Variants in PAK4 observed in about 807,000 individuals in gnomAD.
The protein encoded by PAK4 is serine/threonine-protein kinase PAK 4.
In PAK4, 49 loss-of-function variants were observed where a neutral mutation model predicts 53.5. The observed-to-expected ratio is 0.92, with a 90% CI of 0.73 to 1.16. The LOEUF (loss-of-function observed/expected upper bound fraction) is 1.16, where lower values mean the gene tolerates loss of function less well. PAK4 is among the 50% of genes most tolerant of loss of function. The probability of loss-of-function intolerance (pLI) is 0.00; values close to 1 mark genes in which losing one functional copy is unlikely to be tolerated. For synonymous variants in PAK4, 376 were observed against 375.6 expected, an observed-to-expected ratio of 1.00 and a Z score of -0.01; for missense variants, 824 against 850.7, an observed-to-expected ratio of 0.97 and a Z score of 0.39.
intron 8 of PAK4, 42 bp downstream of exon 9, chr19:39,177,851 G>T (rs371449795): frequency 6.3e-7 from 1 of 1,580,278 alleles, no homozygotes; most frequent in Non-Finnish European, 8.6e-7. Context: ...CCAGCTGGCG[G>T]GTGGCAGGGC....
At chr19:39,130,224 G>GCA (rs1299191556) in intron 1 of PAK4, among the ~76,000 whole-genome samples, 2 of 107,264 alleles carry the variant, frequency 1.9e-5, no homozygotes, top group Non-Finnish European at 4.0e-5. Context: ...GAGGGATCAG[G>GCA]GTGGGACTGG....
chr19:39,154,065 T>G (rs972335805), intron 1 of PAK4, among the ~76,000 whole-genome samples: 4 of 152,214 alleles, frequency 2.6e-5, no homozygotes, highest in African/African-American at 4.8e-5. Flanking sequence ...CACATGTAGC[T>G]GTAGTCATTC....
chr19:39,145,676 C>T (rs1020601617), intron 1 of PAK4, among the ~76,000 whole-genome samples: 1 of 152,192 alleles, frequency 6.6e-6, no homozygotes, highest in Non-Finnish European at 1.5e-5. Context: ...TGTAATGGGG[C>T]GCTGGTGCCG....
chr19:39,134,720 C>T (rs973495491), intron 1 of PAK4, among the ~76,000 whole-genome samples: 3 of 149,904 alleles, frequency 2.0e-5, no homozygotes, highest in Non-Finnish European at 2.9e-5. Context: ...CTGCCTCAGC[C>T]TCCCGAGTAA....
intron 1 of PAK4, among the ~76,000 whole-genome samples, chr19:39,135,789 C>CCCCCA (rs1405565862): frequency 1.3e-5 from 2 of 151,694 alleles, no homozygotes; most frequent in South Asian, 4.2e-4. Context: ...GCTCCCGGCC[C>CCCCCA]CCATCTTCCC....
chr19:39,140,748 C>T (rs532373985), intron 1 of PAK4, among the ~76,000 whole-genome samples: 1 of 152,186 alleles, frequency 6.6e-6, no homozygotes, highest in Non-Finnish European at 1.5e-5. Flanking sequence ...CCAGCTCCAC[C>T]TGCAGCCTCT....
chr19:39,166,427 G>T (rs2074377422), intron 1 of PAK4, among the ~76,000 whole-genome samples: 1 of 152,232 alleles, frequency 6.6e-6, no homozygotes, highest in Non-Finnish European at 1.5e-5. Flanking sequence ...CTGGGCGACA[G>T]AGCAAGACTC....
intron 1 of PAK4, among the ~76,000 whole-genome samples, chr19:39,143,183 A>C (rs1376675409): frequency 6.6e-6 from 1 of 151,594 alleles, no homozygotes; most frequent in African/African-American, 2.4e-5. Flanking sequence ...ACTCCAGGAG[A>C]GCAGAGACTC....
chr19:39,143,535 G>T (rs1568503047), intron 1 of PAK4, among the ~76,000 whole-genome samples: 1 of 125,036 alleles, frequency 8.0e-6, no homozygotes, highest in Non-Finnish European at 1.6e-5. Flanking sequence ...GGAGGTTGCA[G>T]TGAGCCAAGA....
intron 1 of PAK4, among the ~76,000 whole-genome samples, chr19:39,143,411 T>C (rs1221759205): frequency 1.4e-5 from 2 of 146,758 alleles, no homozygotes; most frequent in African/African-American, 5.1e-5. Context: ...GCCAACACAG[T>C]GAAACCCCGT....
rs751746391 is a variant in PAK4, at chr19:39,175,421, C to G, written c.1342C>G (p.Leu448Val). Residue 448 changes from leucine (L) to valine (V), a missense_variant, in exon 6 of 9, where the codon CTG (leucine) becomes GTG (valine). Physicochemically the swap from Leu to Val is conservative, Grantham distance 32. Around this residue, in one of 2 missense-constraint regions of PAK4, gnomAD observed 346 missense variants for 415.0 expected, o/e 0.83. Coordinates refer to ENST00000358301, the Ensembl canonical transcript of PAK4. The surrounding 1 kb of genome is among the most constrained non-coding windows in gnomAD (Gnocchi z 4.7). ...GGACATCAAGAGCGACTCGATCCTG[C>G]TGACCCATGATGGCAGGGTGAGGGG... 1 of 1,611,658 alleles carries G rather than the reference C, an allele frequency of 6.2e-7. No homozygotes were observed. Among genetic ancestry groups the G allele is most frequent in the Non-Finnish European group, 8.5e-7 (1 of 1,179,336 alleles).
intron 1 of PAK4, among the ~76,000 whole-genome samples, chr19:39,141,742 C>T (rs965566368): frequency 6.6e-6 from 1 of 151,170 alleles, no homozygotes; most frequent in African/African-American, 2.4e-5. Flanking sequence ...TCAAGCACTT[C>T]TCCCTGCCTC....
intron 1 of PAK4, among the ~76,000 whole-genome samples, chr19:39,132,996 A>G (rs916374232): frequency 6.6e-6 from 1 of 152,212 alleles, no homozygotes; most frequent in Non-Finnish European, 1.5e-5. Flanking sequence ...AGAAGGGGAA[A>G]CTGAGGCACA....
chr19:39,177,478 G>A (rs979416805), intron 7 of PAK4, among the ~76,000 whole-genome samples, 197 bp from the exon 9 acceptor site: 3 of 152,144 alleles, frequency 2.0e-5, no homozygotes, highest in Non-Finnish European at 2.9e-5. Context: ...TGGGTGCTGG[G>A]GGGGCAGCTC....
chr19:39,163,090 C>A (rs1445863628), intron 1 of PAK4, among the ~76,000 whole-genome samples: 1 of 152,094 alleles, frequency 6.6e-6, no homozygotes, highest in Non-Finnish European at 1.5e-5. Context: ...AAACTCCCAG[C>A]GCCTCCACCA....
chr19:39,132,588 G>A (rs1464585106), intron 1 of PAK4, among the ~76,000 whole-genome samples: 1 of 152,268 alleles, frequency 6.6e-6, no homozygotes, highest in Non-Finnish European at 1.5e-5. Context: ...TGGCCATCAG[G>A]CCATTCCCAT....
At chr19:39,126,777 G>A (rs936883886) in intron 1 of PAK4, among the ~76,000 whole-genome samples, 3 of 151,764 alleles carry the variant, frequency 2.0e-5, no homozygotes, top group African/African-American at 4.8e-5. Context: ...CTCACACTGT[G>A]CTCCACGCCC....
chr19:39,173,127 C>T lies in PAK4; in HGVS notation c.414C>T (p.Phe138=), dbSNP rs1232842505. Residue 138 remains phenylalanine (F), a synonymous_variant, in exon 3 of 9, where the codon TTC becomes TTT. Coordinates refer to ENST00000358301, the Ensembl canonical transcript of PAK4. This position sits in a 1 kb window ranked among gnomAD's most constrained non-coding sequence, Gnocchi z 6.9. ...GGAAGGCAGGCAGCCGAGGCCGGTT[C>T]GCCGGTCACAGCGAGGCGGGTGGCG... is the stretch of plus-strand genomic sequence containing the variant. 2.0e-5 allele frequency: 31 copies of T among 1,546,944 alleles called. No individual in the cohort carries two copies. The highest frequency in any genetic ancestry group is 2.7e-5 in the African/African-American group (2 of 72,946).
chr19:39,143,407 A>T (rs2073942587), intron 1 of PAK4, among the ~76,000 whole-genome samples: 3 of 151,420 alleles, frequency 2.0e-5, no homozygotes, highest in Admixed American at 2.0e-4. Context: ...CCTGGCCAAC[A>T]CAGTGAAACC....
Sources: gnomAD v4.1 joint callset for allele counts (sites outside exome capture counted in the v4.1 genomes callset) on GRCh38, gnomAD v4.1.1 for gene constraint, gnomAD v4.1.1 regional missense constraint, Gnocchi (gnomAD v3.1) non-coding constraint, MANE v1.5 for transcripts, NCBI Gene and HGNC (gene_info 2026-07-23, HGNC 2026-07-21) for gene names.